The following DNAH6 variants were observed in gnomAD, a reference collection of about 807,000 sequenced individuals.
DNAH6 encodes the protein axonemal beta dynein heavy chain 6.
DNAH6 carries 340 observed loss-of-function variants against 491.4 expected under a neutral mutation model. The observed-to-expected ratio is 0.69, with a 90% confidence interval of 0.63 to 0.76. The LOEUF (loss-of-function observed/expected upper bound fraction) is 0.76, where lower values mean the gene tolerates loss of function less well. DNAH6 is among the 30% of genes least tolerant of loss of function. The pLI, the probability that DNAH6 is intolerant of heterozygous loss-of-function variation, is 0.00. For synonymous variants in DNAH6, 1,603 were observed against 1,686.1 expected, an observed-to-expected ratio of 0.95 and a Z score of 1.21; for missense variants, 4,443 against 4,972.2, an observed-to-expected ratio of 0.89 and a Z score of 3.20.
chr2:84,570,123 T>A (rs1681624472), intron 11 of DNAH6, among the ~76,000 whole-genome samples: 2 of 152,064 alleles, frequency 1.3e-5, no homozygotes, highest in South Asian at 4.1e-4. Context: ...AGGGGTGGGG[T>A]AGGATAGTAC....
chr2:84,614,699 A>AT (rs1211463839), intron 22 of DNAH6, among the ~76,000 whole-genome samples: 1 of 124,080 alleles, frequency 8.1e-6, no homozygotes, highest in African/African-American at 2.6e-5. Context: ...AACATCTATT[A>AT]TTTTTTTTAT....
chr2:84,798,258 C>T (rs927786063), intron 70 of DNAH6, among the ~76,000 whole-genome samples: 1 of 152,162 alleles, frequency 6.6e-6, no homozygotes, highest in African/African-American at 2.4e-5. Flanking sequence ...CCTAGGCCTG[C>T]TCAGAGTCAC....
At position 84,539,231 on chromosome 2, in the gene DNAH6, C is replaced by G. The variant is rs559730960; in HGVS notation, c.663-5002C>G. Among the ~76,000 whole-genome samples the G allele has an allele frequency of 2.2e-4, 33 of 152,204 alleles. No homozygotes were observed. In the South Asian group the frequency reaches 6.8e-3, roughly 32 times the overall value. The stretch of plus-strand genomic sequence containing the variant: ...AACCAGAAATAAAACAAGCATTTCT[C>G]TTCCCTGGTTTACATTAGATCTATT... On this transcript the variant is annotated intron_variant, in intron 4 of 76. Coordinates refer to ENST00000389394, the MANE Select transcript of DNAH6 (RefSeq NM_001370.2).
chr2:84,555,492 T>C (rs192528865), intron 10 of DNAH6, among the ~76,000 whole-genome samples: 1 of 152,328 alleles, frequency 6.6e-6, no homozygotes, highest in East Asian at 1.9e-4. Context: ...GGCTCTCTCC[T>C]CTTCACACCC....
At chr2:84,682,934 C>A (rs553292623) in intron 42 of DNAH6, among the ~76,000 whole-genome samples, 12 of 152,160 alleles carry the variant, frequency 7.9e-5, no homozygotes, top group Non-Finnish European at 1.0e-4. Context: ...TCTGTGTGAT[C>A]TGGATCCGGG....
chr2:84,558,908 C>G (rs759730980), intron 11 of DNAH6, among the ~76,000 whole-genome samples: 7 of 152,100 alleles, frequency 4.6e-5, no homozygotes, highest in Admixed American at 3.3e-4. Context: ...AATGCCTTTT[C>G]TTCTTGACAC....
intron 58 of DNAH6, 91 bp downstream of exon 58, chr2:84,715,718 C>A: frequency 7.9e-7 from 1 of 1,263,724 alleles, no homozygotes; most frequent in Non-Finnish European, 1.1e-6. Context: ...CAATGTTCTG[C>A]TGTGTAAGAG....
intron 60 of DNAH6, among the ~76,000 whole-genome samples, chr2:84,725,028 G>T (rs1454878866): frequency 6.6e-6 from 1 of 152,120 alleles, no homozygotes; most frequent in African/African-American, 2.4e-5. Flanking sequence ...ACGTTGTCTT[G>T]GGTGGTTGGC....
At chr2:84,815,838 T>G in intron 75 of DNAH6, 23 bp from the exon 76 acceptor site, 6 of 1,528,324 alleles carry the variant, frequency 3.9e-6, no homozygotes, top group Non-Finnish European at 5.3e-6. Context: ...CATCTCACTT[T>G]GAGACTTGTG....
chr2:84,638,214 A>G (rs183908070), intron 31 of DNAH6, among the ~76,000 whole-genome samples: 7 of 152,290 alleles, frequency 4.6e-5, no homozygotes, highest in Admixed American at 3.9e-4. Context: ...GGGTCTCACT[A>G]TGCTACCCAG....
intron 14 of DNAH6, among the ~76,000 whole-genome samples, chr2:84,580,309 TACACACGC>T (rs1480380242): frequency 1.4e-4 from 9 of 63,194 alleles, no homozygotes; most frequent in Admixed American, 1.3e-3. Flanking sequence ...TACACACACA[TACACACGC>T]ACACACACAC....
chr2:84,808,403 T>C lies in DNAH6; in HGVS notation c.11612-12T>C, dbSNP rs764269421. The C allele has an allele frequency of 3.0e-5, 45 of 1,522,998 alleles. No homozygotes were observed. The highest frequency in any genetic ancestry group is 3.8e-5 in the Non-Finnish European group (43 of 1,135,378). 94.3% of individuals were successfully genotyped at this position (1,522,998 alleles called of 1,614,324 possible). A position where few individuals can be genotyped will look rare whatever the true frequency, so the allele number is the denominator to read the frequency against. Reference sequence around the variant, plus strand: ...TGGTGACTGGCCTGAGGAATCGCTGTGTATGTTTCAGAAAAACTGGAAATG... The same window carrying C: ...TGGTGACTGGCCTGAGGAATCGCTGCGTATGTTTCAGAAAAACTGGAAATG... On this transcript the variant is annotated splice_polypyrimidine_tract_variant and intron_variant, in intron 71 of 76. Coordinates refer to ENST00000389394, the MANE Select transcript of DNAH6 (RefSeq NM_001370.2).
At chr2:84,620,539 A>G in intron 24 of DNAH6, among the ~76,000 whole-genome samples, 8 of 152,184 alleles carry the variant, frequency 5.3e-5, no homozygotes, top group Admixed American at 5.2e-4. Flanking sequence ...AGTATCTTCT[A>G]TGTGGGCATG....
chr2:84,625,183 G>C (rs1233369653), intron 29 of DNAH6, 120 bp downstream of exon 29: 1 of 908,668 alleles, frequency 1.1e-6, no homozygotes, highest in Non-Finnish European at 1.6e-6. Context: ...AAAGAAATGG[G>C]GTAAATAATG....
At chr2:84,729,515 A>G (rs948300164) in intron 61 of DNAH6, among the ~76,000 whole-genome samples, 3 of 152,210 alleles carry the variant, frequency 2.0e-5, no homozygotes, top group African/African-American at 7.2e-5. Flanking sequence ...AAAGAGGTTA[A>G]AGAGCTTTCC....
At chr2:84,702,049 T>C (rs555448716) in intron 49 of DNAH6, among the ~76,000 whole-genome samples, 1 of 152,310 alleles carries the variant, frequency 6.6e-6, no homozygotes, top group African/African-American at 2.4e-5. Flanking sequence ...AGTGAACTGG[T>C]CATCTCTATG....
At chr2:84,717,600 C>A (rs1697667959) in intron 58 of DNAH6, among the ~76,000 whole-genome samples, 1 of 152,136 alleles carries the variant, frequency 6.6e-6, no homozygotes, top group Non-Finnish European at 1.5e-5. Flanking sequence ...AATAGATAAT[C>A]CACGTAAAAC....
chr2:84,623,668 GT>G (rs145014777), intron 26 of DNAH6, among the ~76,000 whole-genome samples: 6,156 of 152,094 alleles, frequency 0.04, 402 homozygotes, highest in African/African-American at 0.14. Context: ...CCTCATCAGG[GT>G]TGGCCCAAGT....
At chr2:84,702,923 A>G (rs548479271) in intron 49 of DNAH6, among the ~76,000 whole-genome samples, 1 of 152,256 alleles carries the variant, frequency 6.6e-6, no homozygotes. Flanking sequence ...CATGGTCAAG[A>G]GTTTTCTACC....
Sources: allele counts gnomAD v4.1 joint callset (sites outside exome capture counted in the v4.1 genomes callset), GRCh38; gene constraint gnomAD v4.1.1; transcripts MANE v1.5; gene names NCBI Gene and HGNC (gene_info 2026-07-23, HGNC 2026-07-21).